Variants in CENPP observed in about 807,000 individuals in gnomAD.
CENPP encodes the protein centromere protein P.
Under a neutral mutation model 35.6 loss-of-function variants are expected in CENPP, and 24 were observed. The observed-to-expected ratio is 0.67, with a 90% CI of 0.49 to 0.95. The LOEUF is 0.95. Ranked by LOEUF, CENPP falls within the 40% of genes least tolerant of loss-of-function variation. The pLI, the probability that CENPP is intolerant of heterozygous loss-of-function variation, is 0.00. For synonymous variants in CENPP, 120 were observed against 125.5 expected (o/e 0.96, Z 0.29); for missense variants, 332 against 345.3 (o/e 0.96, Z 0.31).
intron 5 of CENPP, chr9:92,386,272 A>G (rs1313775993): frequency 6.2e-7 from 1 of 1,613,376 alleles, no homozygotes. Context: ...TGGTCCAAGT[A>G]GAGGAAGGTG....
intron 4 of CENPP, among the ~76,000 whole-genome samples, chr9:92,376,866 C>A (rs897531473): frequency 1.3e-5 from 2 of 151,812 alleles, no homozygotes; most frequent in Non-Finnish European, 2.9e-5. Flanking sequence ...TATGGTGAAA[C>A]CCTGTCTGTA....
intron 5 of CENPP, among the ~76,000 whole-genome samples, chr9:92,432,090 T>G (rs1429034692): frequency 6.6e-6 from 1 of 152,114 alleles, no homozygotes; most frequent in South Asian, 2.1e-4. Context: ...TTTGGGAAGC[T>G]GAGGCGGTTG....
chr9:92,552,049 GTCTATCATATATGTGATATGATAGA>G lies in CENPP; in HGVS notation c.565-59227_565-59203del, dbSNP rs1564000177. On this transcript the variant is annotated intron_variant, in intron 5 of 7. Transcript: ENST00000375587. The stretch of plus-strand genomic sequence containing the variant: ...ATCTATCATATATGTGATATTATAG[GTCTATCATATATGTGATATGATAGA>G]TCTATCATATATGTGATATGATAGA... Among the ~76,000 whole-genome samples, 495 of 81,612 alleles carry G rather than the reference GTCTATCATATATGTGATATGATAGA, an allele frequency of 6.1e-3. 26 individuals are homozygous for G. The highest frequency in any genetic ancestry group is 0.024 in the African/African-American group (320 of 13,182). The allele number at this position is 81,612 out of a possible 152,430, so 53.5% of individuals were successfully genotyped here.
At chr9:92,345,178 G>A (rs1169107078) in intron 3 of CENPP, among the ~76,000 whole-genome samples, 1 of 151,808 alleles carries the variant, frequency 6.6e-6, no homozygotes, top group Non-Finnish European at 1.5e-5. Flanking sequence ...GCGTGAACCC[G>A]GGAGGCGGAG....
intron 5 of CENPP, chr9:92,464,891 C>A: frequency 6.8e-7 from 1 of 1,465,278 alleles, no homozygotes; most frequent in Middle Eastern, 1.7e-4. Flanking sequence ...CTTTAAAATA[C>A]CATATCTTAG....
chr9:92,352,497 G>GTATACATATA (rs1841477324), intron 4 of CENPP, among the ~76,000 whole-genome samples: 1 of 82,662 alleles, frequency 1.2e-5, no homozygotes, highest in Non-Finnish European at 2.2e-5. Flanking sequence ...GTGTGTGTGT[G>GTATACATATA]TGTGTGTGTA....
intron 5 of CENPP, among the ~76,000 whole-genome samples, chr9:92,485,330 A>C (rs1846030003): frequency 6.6e-6 from 1 of 152,156 alleles, no homozygotes; most frequent in African/African-American, 2.4e-5. Flanking sequence ...CCTTAGTCTA[A>C]ATATTGAAGA....
chr9:92,405,493 A>T (rs765535074), intron 5 of CENPP, among the ~76,000 whole-genome samples: 13 of 152,208 alleles, frequency 8.5e-5, no homozygotes, highest in Non-Finnish European at 1.9e-4. Flanking sequence ...AGACTTGAGC[A>T]CTGAAGTTTT....
chr9:92,344,543 T>C (rs7868362), intron 3 of CENPP, among the ~76,000 whole-genome samples: 4,717 of 152,100 alleles, frequency 0.031, 262 homozygotes, highest in African/African-American at 0.11. Flanking sequence ...TTTATTTTTA[T>C]TATTATTATT....
At chr9:92,435,609 CTT>C (rs1327849058) in intron 5 of CENPP, among the ~76,000 whole-genome samples, 2 of 152,160 alleles carry the variant, frequency 1.3e-5, no homozygotes, top group African/African-American at 4.8e-5. Context: ...AAAAACTAAT[CTT>C]TTCTCAATTT....
intron 5 of CENPP, among the ~76,000 whole-genome samples, chr9:92,407,081 G>T (rs1328450691): frequency 2.6e-5 from 4 of 152,336 alleles, no homozygotes; most frequent in South Asian, 2.1e-4. Flanking sequence ...CTCCAGACTT[G>T]AAACTTCCAT....
In CENPP at chr9:92,514,669, G is replaced by A. The variant is rs201012391; in HGVS notation, c.565-96645G>A. The A allele has an allele frequency of 1.7e-4, 275 of 1,603,840 alleles. No homozygotes were observed. Among genetic ancestry groups the A allele is most frequent in the Non-Finnish European group, 1.9e-4 (220 of 1,173,490 alleles). On this transcript the variant is annotated intron_variant, in intron 5 of 7. Coordinates refer to ENST00000375587, the MANE Select transcript of CENPP (RefSeq NM_001012267.3). ...ACTTGTTATCTGTGGTGCTGTCAGCGGTGGTATCTGGGTAAGCATGGCGTT... is the reference window on the plus strand; with the variant it reads ...ACTTGTTATCTGTGGTGCTGTCAGCAGTGGTATCTGGGTAAGCATGGCGTT...
intron 5 of CENPP, among the ~76,000 whole-genome samples, chr9:92,475,569 C>G (rs1175492932): frequency 6.6e-6 from 1 of 152,128 alleles, no homozygotes; most frequent in Non-Finnish European, 1.5e-5. Context: ...ATTATCTTAC[C>G]TAACTCTGTA....
intron 4 of CENPP, among the ~76,000 whole-genome samples, chr9:92,361,410 G>A (rs1564278246): frequency 6.6e-6 from 1 of 150,722 alleles, no homozygotes; most frequent in Non-Finnish European, 1.5e-5. Context: ...CAAAGTGTTG[G>A]GATTACAGGC....
intron 5 of CENPP, among the ~76,000 whole-genome samples, chr9:92,603,485 A>G (rs1490162898): frequency 6.6e-6 from 1 of 152,092 alleles, no homozygotes; most frequent in African/African-American, 2.4e-5. Context: ...GTGTGGTGGT[A>G]CACTCACCAA....
At chr9:92,474,735 A>T (rs1845644595) in intron 5 of CENPP, 1 of 1,562,106 alleles carries the variant, frequency 6.4e-7, no homozygotes, top group Admixed American at 1.8e-5. Flanking sequence ...GGAAAAAGAG[A>T]GTTGTCCTCA....
At chr9:92,471,602 T>C (rs917103377) in intron 5 of CENPP, among the ~76,000 whole-genome samples, 2 of 152,220 alleles carry the variant, frequency 1.3e-5, no homozygotes, top group South Asian at 4.2e-4. Context: ...TTCCTTTAAG[T>C]AATTAACTTC....
chr9:92,352,539 A>ATATATATATATATATATATATATATATAT (rs1186628278), intron 4 of CENPP, among the ~76,000 whole-genome samples: 1 of 105,444 alleles, frequency 9.5e-6, no homozygotes, highest in African/African-American at 4.6e-5. Flanking sequence ...ATATATATAT[A>ATATATATATATATATATATATATATATAT]ATATAACGGG....
intron 4 of CENPP, among the ~76,000 whole-genome samples, chr9:92,355,081 A>C (rs1336263628): frequency 6.6e-6 from 1 of 152,224 alleles, no homozygotes. Flanking sequence ...AGCGGTGCAC[A>C]TATTGTCTTG....
Sources: gnomAD v4.1 joint callset for allele counts (sites outside exome capture counted in the v4.1 genomes callset) on GRCh38, gnomAD v4.1.1 for gene constraint, MANE v1.5 for transcripts, NCBI Gene and HGNC (gene_info 2026-07-23, HGNC 2026-07-21) for gene names.